Variants in AMER1 observed in about 807,000 individuals in gnomAD.
AMER1 encodes the protein APC membrane recruitment protein 1, also known as RP11-403E24.2.
Under a neutral mutation model 53.0 loss-of-function variants are expected in AMER1, and 16 were observed. The observed-to-expected ratio is 0.30, with a 90% confidence interval of 0.20 to 0.46. The LOEUF (loss-of-function observed/expected upper bound fraction) is 0.46, where lower values mean the gene tolerates loss of function less well. Among genes scored for constraint, AMER1 ranks in the 20% least tolerant of loss-of-function variants. The pLI is 1.00. For synonymous variants in AMER1, 354 were observed against 331.9 expected, an observed-to-expected ratio of 1.07 and a Z score of -0.73; for missense variants, 947 against 884.9, an observed-to-expected ratio of 1.07 and a Z score of -0.89.
chrX:64,191,413 G>A lies in AMER1; in HGVS notation c.1874C>T (p.Thr625Ile), dbSNP rs1029109888. 4 of 1,211,872 alleles carry A rather than the reference G, an allele frequency of 3.3e-6. No homozygotes were observed. Among genetic ancestry groups the A allele is most frequent in the African/African-American group, 1.7e-5 (1 of 57,912 alleles). The change falls in exon 2 of 2, where the codon ACC becomes ATC. Residue 625 changes from threonine (T) to isoleucine (I), a missense_variant. Transcript: ENST00000374869. ...TWEAHGREARTREAQAREVRC... is the reference protein window; with the variant it reads ...TWEAHGREARIREAQAREVRC... ...AACCTCTCGGGCCTGGGCTTCTCGG[G>A]TTCTGGCCTCCCTGCCATGAGCTTC...
At chrX:64,204,364 A>C (rs2147095947) in intron 1 of AMER1, among the ~76,000 whole-genome samples, 1 of 114,009 alleles carries the variant, frequency 8.8e-6, no homozygotes, top group South Asian at 3.5e-4. Context: ...GGCCAAACGG[A>C]GACCAGCTCT....
In AMER1 at chrX:64,191,347, T is replaced by C. The variant is rs779918121; in HGVS notation, c.1940A>G (p.Gln647Arg). Reference protein sequence around the residue: ...ETQVRETQARQEKPVLEYQMR... With the variant: ...ETQVRETQARREKPVLEYQMR... ...CTGATACTCTAAGACGGGCTTCTCC[T>C]GCCGGGCCTGGGTCTCTCGGACTTG... is the stretch of plus-strand genomic sequence containing the variant. The change falls in exon 2 of 2, where the codon CAG becomes CGG. Residue 647 changes from glutamine (Q) to arginine (R), a missense_variant. Gln to Arg is a conservative substitution (Grantham distance 43, BLOSUM62 1). Coordinates refer to ENST00000374869, the MANE Select transcript of AMER1 (RefSeq NM_152424.4). The C allele has an allele frequency of 5.0e-6, 6 of 1,210,002 alleles. No homozygotes were observed. In the East Asian group the frequency reaches 1.8e-4, roughly 36 times the overall value.
At position 64,189,793 on chromosome X, in the gene AMER1, A is replaced by AGCGGGGG; in HGVS notation, c.*85_*86insCCCCCGC. 2 of 292,068 alleles carry AGCGGGGG rather than the reference A, an allele frequency of 6.8e-6. No individual in the cohort carries two copies. The highest frequency in any genetic ancestry group is 9.8e-6 in the Non-Finnish European group (2 of 204,826). The allele number at this position is 292,068 out of a possible 1,213,427, so 24.1% of individuals were successfully genotyped here. On this transcript the variant is annotated 3_prime_UTR_variant, in exon 2 of 2. Coordinates refer to ENST00000374869, the MANE Select transcript of AMER1 (RefSeq NM_152424.4). ...CAAAGGGTTTTCAAGTTAAACAACA[A>AGCGGGGG]CCCCCACCCCCCCACCCTTCTGCCC...
At chrX:64,199,311 C>T (rs1220258991) in intron 1 of AMER1, among the ~76,000 whole-genome samples, 1 of 112,186 alleles carries the variant, frequency 8.9e-6, no homozygotes, top group Non-Finnish European at 1.9e-5. Flanking sequence ...ATCTTACAGT[C>T]ACTACAACTA....
In AMER1 at chrX:64,187,517, C is replaced by A. The variant is rs1930133222; in HGVS notation, c.*2362G>T. On this transcript the variant is annotated 3_prime_UTR_variant, in exon 2 of 2. Transcript: ENST00000374869. ...TCCTGATCCTGAGGGCAGCTCTCAG[C>A]CCTTAGCCAAAGGTTGGCCACCTCC... 1.3e-5 allele frequency: 10 copies of A among 781,057 alleles called. No individual in the cohort carries two copies. In the South Asian group the frequency reaches 6.0e-4, roughly 47 times the overall value. The allele number at this position is 781,057 out of a possible 1,213,427, so 64.4% of individuals were successfully genotyped here.
rs2147089953 is a variant in AMER1, at chrX:64,192,583, G to C, written c.704C>G (p.Pro235Arg). ...TGGTGTTGGAGAAACTTTTGGCCCA[G>C]GGGCATCTTGGGGGTTAGCATTTTC... Reference protein sequence around the residue: ...RKENANPQDAPGPKVSPTPEP... With the variant: ...RKENANPQDARGPKVSPTPEP... The change falls in exon 2 of 2, where the codon CCT becomes CGT. Residue 235 changes from proline to arginine, a missense_variant. Transcript: ENST00000374869. 4 of 1,189,848 alleles carry C rather than the reference G, an allele frequency of 3.4e-6. No individual in the cohort carries two copies. The highest frequency in any genetic ancestry group is 4.5e-6 in the Non-Finnish European group (4 of 887,948).
chrX:64,191,012 C>T lies in AMER1; in HGVS notation c.2275G>A (p.Val759Ile), dbSNP rs369264970. 9.9e-6 allele frequency: 12 copies of T among 1,210,341 alleles called. No individual in the cohort carries two copies. The highest frequency in any genetic ancestry group is 1.3e-5 in the Non-Finnish European group (12 of 895,341). The part of the protein sequence containing the change: ...SPPEDPEEEE[V>I]EKEGNATVSF... ...ACAGTGGCATTCCCTTCCTTCTCAACCTCCTCTTCCTCTGGATCTTCAGGG... is the reference window on the plus strand; with the variant it reads ...ACAGTGGCATTCCCTTCCTTCTCAATCTCCTCTTCCTCTGGATCTTCAGGG... The change falls in exon 2 of 2, where the codon GTT (valine) becomes ATT (isoleucine). Residue 759 changes from valine (V) to isoleucine (I), a missense_variant. By Grantham distance (29) the Val-to-Ile change is conservative. Transcript: ENST00000374869.
In AMER1 at chrX:64,192,590, C is replaced by G. The variant is rs146685042; in HGVS notation, c.697G>C (p.Asp233His). 2.5e-6 allele frequency: 3 copies of G among 1,185,992 alleles called. No homozygotes were observed. The highest frequency in any genetic ancestry group is 3.4e-6 in the Non-Finnish European group (3 of 886,914). ...APRKENANPQ[D>H]APGPKVSPTP... ...GGAGAAACTTTTGGCCCAGGGGCAT[C>G]TTGGGGGTTAGCATTTTCCTTTCTA... The change falls in exon 2 of 2, where the codon GAT becomes CAT. Residue 233 changes from aspartate (D) to histidine (H), a missense_variant. Transcript: ENST00000374869.
At chrX:64,196,572 A>G (rs915534320) in intron 1 of AMER1, among the ~76,000 whole-genome samples, 1 of 111,715 alleles carries the variant, frequency 9.0e-6, no homozygotes, top group African/African-American at 3.3e-5. Flanking sequence ...GCCTTGGCCC[A>G]TGCTGAGAGG....
rs148678846 is a variant in AMER1, at chrX:64,188,545, A to C, written c.*1334T>G. ...AAGGACTCGGCTAATTGGAAGATAAAAGCTCTTTAAAGGGCCCAGAACAGC... is the reference window on the plus strand; with the variant it reads ...AAGGACTCGGCTAATTGGAAGATAACAGCTCTTTAAAGGGCCCAGAACAGC... On this transcript the variant is annotated 3_prime_UTR_variant, in exon 2 of 2. Coordinates refer to ENST00000374869, the MANE Select transcript of AMER1 (RefSeq NM_152424.4). 5.0e-6 allele frequency: 4 copies of C among 801,920 alleles called. No homozygotes were observed. The East Asian group carries it at 2.9e-4, about 57-fold the overall frequency. 66.1% of individuals were successfully genotyped at this position (801,920 alleles called of 1,213,427 possible).
rs1235098373 is a variant in AMER1, at chrX:64,188,086, T to C, written c.*1793A>G. 6 of 786,004 alleles carry C rather than the reference T, an allele frequency of 7.6e-6. No homozygotes were observed. The highest frequency in any genetic ancestry group is 6.8e-5 in the African/African-American group (3 of 44,386). 64.8% of individuals were successfully genotyped at this position (786,004 alleles called of 1,213,427 possible). A position where few individuals can be genotyped will look rare whatever the true frequency, so the allele number is the denominator to read the frequency against. ...CAAAGACCAGCATGGACACATCCCC[T>C]GGCCAAGAAACAGTTTGCCCACAAA... On this transcript the variant is annotated 3_prime_UTR_variant, in exon 2 of 2. Transcript: ENST00000374869.
chrX:64,187,308 G>T lies in AMER1; in HGVS notation c.*2571C>A. On this transcript the variant is annotated 3_prime_UTR_variant, in exon 2 of 2. Coordinates refer to ENST00000374869, the MANE Select transcript of AMER1 (RefSeq NM_152424.4). ...ACATATCCTGGCTGCCCCACTTCAG[G>T]TGGTAAGGATCCTATTCCTGGGCTG... 1.3e-6 allele frequency: 1 copy of T among 790,733 alleles called. No individual in the cohort carries two copies. Among genetic ancestry groups the T allele is most frequent in the Non-Finnish European group, 1.5e-6 (1 of 661,220 alleles). The allele number at this position is 790,733 out of a possible 1,213,427, so 65.2% of individuals were successfully genotyped here. A position where few individuals can be genotyped will look rare whatever the true frequency, so the allele number is the denominator to read the frequency against.
Position 64,191,444 on chromosome X carries a change from T to C in AMER1, c.1843A>G (p.Thr615Ala). The stretch of plus-strand genomic sequence containing the variant: ...GCCTCCCTGCCATGAGCTTCCCAAG[T>C]GTGGGCCTCCCTGGCATAGGCTTCC... ...GREAYAREAH[T>A]WEAHGREART... Residue 615 changes from threonine to alanine, a missense_variant, in exon 2 of 2, where the codon ACT (threonine) becomes GCT (alanine). Coordinates refer to ENST00000374869, the MANE Select transcript of AMER1 (RefSeq NM_152424.4). The C allele has an allele frequency of 1.7e-6, 2 of 1,211,777 alleles. No homozygotes were observed. Among genetic ancestry groups the C allele is most frequent in the South Asian group, 1.8e-5 (1 of 56,970 alleles).
rs1930122289 is a variant in AMER1 at position 64,186,892 on chromosome X, C to G, written c.*2987G>C. The stretch of plus-strand genomic sequence containing the variant: ...CAAGGACCAGTCTCATCTGGGAATT[C>G]TCAGGATCACAGCTGTCTGGCACTA... On this transcript the variant is annotated 3_prime_UTR_variant, in exon 2 of 2. Transcript: ENST00000374869. The G allele has an allele frequency of 1.3e-6, 1 of 771,974 alleles. No homozygotes were observed. The highest frequency in any genetic ancestry group is 1.5e-6 in the Non-Finnish European group (1 of 650,096). The allele number at this position is 771,974 out of a possible 1,213,427, so 63.6% of individuals were successfully genotyped here.
intron 1 of AMER1, among the ~76,000 whole-genome samples, chrX:64,201,498 A>C (rs903127214): frequency 9.5e-6 from 1 of 105,040 alleles, no homozygotes; most frequent in Non-Finnish European, 1.9e-5. Flanking sequence ...CACAAGGTTT[A>C]ACTATAGCAT....
intron 1 of AMER1, among the ~76,000 whole-genome samples, chrX:64,199,651 C>T (rs769453817): frequency 5.4e-5 from 6 of 111,420 alleles, no homozygotes; most frequent in South Asian, 3.8e-4. Context: ...CCACATTCTC[C>T]GAAGATGACA....
chrX:64,203,178 A>T (rs1176954618), intron 1 of AMER1, among the ~76,000 whole-genome samples: 1 of 112,139 alleles, frequency 8.9e-6, no homozygotes, highest in African/African-American at 3.2e-5. Flanking sequence ...ATGGTCTGGG[A>T]TCTGAGCATT....
rs2147084363 is a variant in AMER1 at position 64,190,115 on chromosome X, G to A, written c.3172C>T (p.Pro1058Ser). The A allele has an allele frequency of 5.0e-6, 6 of 1,207,565 alleles. No individual in the cohort carries two copies. The highest frequency in any genetic ancestry group is 6.7e-6 in the Non-Finnish European group (6 of 893,307). The change falls in exon 2 of 2, where the codon CCC becomes TCC. Residue 1058 changes from proline to serine, a missense_variant. Pro to Ser is a moderately conservative substitution (Grantham distance 74). Coordinates refer to ENST00000374869, the MANE Select transcript of AMER1 (RefSeq NM_152424.4). ...PRDVLLPVDE[P>S]SCSSSSGGFS... is the part of the protein sequence containing the mutation. ...CCTCCAGAACTGGAAGAGCAACTGG[G>A]CTCATCAACAGGCAGCAGCACATCT...
rs2147085024 is a variant in AMER1, at chrX:64,190,391, G to A, written c.2896C>T (p.Leu966Phe). 8.3e-7 allele frequency: 1 copy of A among 1,211,618 alleles called. No individual in the cohort carries two copies. Among genetic ancestry groups the A allele is most frequent in the Non-Finnish European group, 1.1e-6 (1 of 895,278 alleles). ...CAGGCAGGACCTGGCCCCACTGGAA[G>A]AGGACAGGGAGCCCAAGCAGGCCAA... is the stretch of plus-strand genomic sequence containing the variant. The part of the protein sequence containing the change: ...YDWPAWAPCP[L>F]PVGPGPAWIS... The change falls in exon 2 of 2, where the codon CTT (leucine) becomes TTT (phenylalanine). Residue 966 changes from leucine to phenylalanine, a missense_variant. By Grantham distance (22) the Leu-to-Phe change is conservative (BLOSUM62 0). Coordinates refer to ENST00000374869, the MANE Select transcript of AMER1 (RefSeq NM_152424.4).
Sources: allele counts gnomAD v4.1 joint callset (sites outside exome capture counted in the v4.1 genomes callset), GRCh38; gene constraint gnomAD v4.1.1; transcripts MANE v1.5; gene names NCBI Gene and HGNC (gene_info 2026-07-23, HGNC 2026-07-21).